Variants in WWP2 observed in about 807,000 individuals in gnomAD.
WWP2 encodes the protein WW domain containing E3 ubiquitin protein ligase 2.
WWP2 carries 57 observed loss-of-function variants against 121.0 expected under a neutral mutation model. That is an observed-to-expected ratio of 0.47 (90% CI 0.38 to 0.59). The LOEUF is 0.59. Ranked by LOEUF, WWP2 falls within the 20% of genes least tolerant of loss-of-function variation. The pLI is 0.00. For missense variants in WWP2, 962 were observed against 1,158.9 expected (o/e 0.83, Z 2.47); for synonymous variants, 449 against 441.3 (o/e 1.02, Z -0.22).
chr16:69,843,974 G>T (rs1400162212), intron 6 of WWP2, among the ~76,000 whole-genome samples: 1 of 152,200 alleles, frequency 6.6e-6, no homozygotes, highest in African/African-American at 2.4e-5. Context: ...AGATCCCTCT[G>T]AGGACAGCTG....
chr16:69,832,325 C>T (rs1256710659), intron 4 of WWP2, among the ~76,000 whole-genome samples: 2 of 127,166 alleles, frequency 1.6e-5, no homozygotes, highest in African/African-American at 5.9e-5. Context: ...CCATCCCACC[C>T]CTGCTGGATT....
chr16:69,818,285 G>A (rs557246478), intron 4 of WWP2, among the ~76,000 whole-genome samples: 1 of 151,968 alleles, frequency 6.6e-6, no homozygotes, highest in South Asian at 2.1e-4. Context: ...TTGGCTCACT[G>A]CAACCTCTGC....
chr16:69,799,514 G>C lies in WWP2; in HGVS notation c.340+219G>C. ...CCAGGGCCTCTAGTAATGTGATGCA[G>C]TGGTGTGTTGCCCTTTATCCTTCCT... is the stretch of plus-strand genomic sequence containing the variant. On this transcript the variant is annotated intron_variant, in intron 4 of 23. Transcript: ENST00000359154. This position sits in a 1 kb window ranked among gnomAD's most constrained non-coding sequence, Gnocchi z 4.5. The C allele has an allele frequency of 2.0e-6, 1 of 507,724 alleles. No homozygotes were observed. The highest frequency in any genetic ancestry group is 3.3e-6 in the Non-Finnish European group (1 of 300,556). The allele number at this position is 507,724 out of a possible 1,614,324, so 31.5% of individuals were successfully genotyped here. A position where few individuals can be genotyped will look rare whatever the true frequency, so the allele number is the denominator to read the frequency against.
At chr16:69,794,774 GAAA>G (rs1044994051) in intron 2 of WWP2, among the ~76,000 whole-genome samples, 1 of 151,976 alleles carries the variant, frequency 6.6e-6, no homozygotes, top group Non-Finnish European at 1.5e-5. Flanking sequence ...GATTATAAAA[GAAA>G]AAAACCAAAA....
At position 69,939,965 on chromosome 16, in the gene WWP2, C is replaced by T. The variant is rs752759351; in HGVS notation, c.*25C>T. 2 of 1,595,408 alleles carry T rather than the reference C, an allele frequency of 1.3e-6. No individual in the cohort carries two copies. Among genetic ancestry groups the T allele is most frequent in the Admixed American group, 1.7e-5 (1 of 58,682 alleles). ...ACCGAGGCCGCCCCTCCCACGCCCC[C>T]CAGCGCACATGTAGTCCTGAGTCCT... On this transcript the variant is annotated 3_prime_UTR_variant, in exon 24 of 24. Coordinates refer to ENST00000359154, the MANE Select transcript of WWP2 (RefSeq NM_001270454.2).
chr16:69,785,026 A>G (rs191665147), intron 1 of WWP2, among the ~76,000 whole-genome samples: 13 of 152,050 alleles, frequency 8.5e-5, no homozygotes, highest in Non-Finnish European at 2.9e-5. Flanking sequence ...ACTTGAGGTT[A>G]GGAGTTCGAG....
chr16:69,792,951 A>G (rs2055944124), intron 2 of WWP2, among the ~76,000 whole-genome samples: 2 of 152,138 alleles, frequency 1.3e-5, no homozygotes, highest in South Asian at 4.1e-4. Flanking sequence ...TCGGCCTCCT[A>G]AAGTGTTGCA....
chr16:69,863,041 C>T (rs1159618398), intron 6 of WWP2, among the ~76,000 whole-genome samples: 4 of 152,094 alleles, frequency 2.6e-5, no homozygotes, highest in South Asian at 2.1e-4. Flanking sequence ...CATGAATTCT[C>T]GGCATTTGGG....
chr16:69,786,886 C>T (rs1285778062), intron 1 of WWP2, 110 bp from the exon 2 acceptor site: 7 of 910,330 alleles, frequency 7.7e-6, no homozygotes, highest in South Asian at 1.7e-5. Context: ...GTTGCTTGGA[C>T]GTTTCTATTT....
intron 6 of WWP2, among the ~76,000 whole-genome samples, chr16:69,842,586 T>G (rs367733294): frequency 9.9e-5 from 15 of 152,196 alleles, no homozygotes; most frequent in African/African-American, 3.6e-4. Flanking sequence ...GGTATTTGGT[T>G]TTCTGTTTCT....
chr16:69,939,151 C>G, intron 22 of WWP2, 28 bp downstream of exon 22: 1 of 1,581,622 alleles, frequency 6.3e-7, no homozygotes, highest in Non-Finnish European at 8.6e-7. Flanking sequence ...CTCTGGCGTC[C>G]TGGCTGGCAG....
rs1445895283 is a variant in WWP2 at position 69,935,228 on chromosome 16, C to T, written c.1843-625C>T. Among the ~76,000 whole-genome samples the T allele has an allele frequency of 6.6e-6, 1 of 152,186 alleles. No homozygotes were observed. Among genetic ancestry groups the T allele is most frequent in the Non-Finnish European group, 1.5e-5 (1 of 68,032 alleles). On this transcript the variant is annotated intron_variant, in intron 17 of 23. Transcript: ENST00000359154. The surrounding 1 kb of genome is among the most constrained non-coding windows in gnomAD (Gnocchi z 5.2). ...CCACCCGGCTCCCCTCTTAGGAGGACCCAAGCGCCCCATGAGCCTGTGACT... is the reference window on the plus strand; with the variant it reads ...CCACCCGGCTCCCCTCTTAGGAGGATCCAAGCGCCCCATGAGCCTGTGACT...
At chr16:69,913,985 T>G (rs1178445360) in intron 9 of WWP2, among the ~76,000 whole-genome samples, 1 of 138,032 alleles carries the variant, frequency 7.2e-6, no homozygotes, top group Non-Finnish European at 1.5e-5. Context: ...GGAAGGAGAA[T>G]CGCTTGAACC....
Position 69,889,441 on chromosome 16 carries a change from C to T in WWP2, c.914+1192C>T, listed in dbSNP as rs117583475. On this transcript the variant is annotated intron_variant, in intron 8 of 23. Transcript: ENST00000359154. ...GTGAGTGGAGATTATAAGCATGGACCTGTGAATCAGACAGCTCTGGGTTTG... is the reference window on the plus strand; with the variant it reads ...GTGAGTGGAGATTATAAGCATGGACTTGTGAATCAGACAGCTCTGGGTTTG... Among the ~76,000 whole-genome samples, 1,041 of 152,326 alleles carry T rather than the reference C, an allele frequency of 6.8e-3. 5 individuals are homozygous for T. Among genetic ancestry groups the T allele is most frequent in the Non-Finnish European group, 0.012 (789 of 68,036 alleles).
At position 69,941,456 on chromosome 16, in the gene WWP2, A is replaced by C. The variant is rs896517728; in HGVS notation, c.*1516A>C. 1 of 153,760 alleles carries C rather than the reference A, an allele frequency of 6.5e-6. No homozygotes were observed. The highest frequency in any genetic ancestry group is 2.4e-5 in the African/African-American group (1 of 41,450). 9.5% of individuals were successfully genotyped at this position (153,760 alleles called of 1,614,324 possible). ...TGAGTGGCTTAGCTTGCCACAGCGC[A>C]GCCTCTTCTGTCCCTTTCAGTCATT... On this transcript the variant is annotated 3_prime_UTR_variant, in exon 24 of 24. Transcript: ENST00000359154.
rs1289192261 is a variant in WWP2 at position 69,827,727 on chromosome 16, G to A, written c.341-12399G>A. On this transcript the variant is annotated intron_variant, in intron 4 of 23. Transcript: ENST00000359154. ...GGTTCCCTGAGGGCACAGAGCATGG[G>A]TGATCTGTTGGAGCCAGGCAGGGCC... is the stretch of plus-strand genomic sequence containing the variant. Among the ~76,000 whole-genome samples the A allele has an allele frequency of 5.9e-5, 9 of 152,256 alleles. No homozygotes were observed. The East Asian group carries it at 1.7e-3, about 29-fold the overall frequency.
chr16:69,770,423 A>C (rs772231112), intron 1 of WWP2, among the ~76,000 whole-genome samples: 18 of 152,168 alleles, frequency 1.2e-4, no homozygotes, highest in Non-Finnish European at 2.4e-4. Flanking sequence ...GGATGGCTGC[A>C]CACGTGGAGG....
At chr16:69,884,952 T>G (rs2057896808) in intron 7 of WWP2, among the ~76,000 whole-genome samples, 1 of 152,222 alleles carries the variant, frequency 6.6e-6, no homozygotes, top group East Asian at 1.9e-4. Context: ...ATTTAATTAT[T>G]TAAGCCTATT....
At chr16:69,825,242 T>C (rs1331379347) in intron 4 of WWP2, among the ~76,000 whole-genome samples, 1 of 151,560 alleles carries the variant, frequency 6.6e-6, no homozygotes, top group African/African-American at 2.4e-5. Context: ...CTGACCAACA[T>C]GGTGAAACCC....
Sources: gnomAD v4.1 joint callset for allele counts (sites outside exome capture counted in the v4.1 genomes callset) on GRCh38, gnomAD v4.1.1 for gene constraint, Gnocchi (gnomAD v3.1) non-coding constraint, MANE v1.5 for transcripts, NCBI Gene and HGNC (gene_info 2026-07-23, HGNC 2026-07-21) for gene names.